VPS53: variants seen among roughly 807,000 people sequenced by gnomAD.
VPS53 encodes the protein VPS53 subunit of GARP complex, also known as vacuolar protein sorting-associated protein 53 homolog.
In VPS53, 70 loss-of-function variants were observed where a neutral mutation model predicts 107.0. The observed-to-expected ratio is 0.65, with a 90% CI of 0.54 to 0.80. The LOEUF is 0.80. Ranked by LOEUF, VPS53 falls within the 30% of genes least tolerant of loss-of-function variation. The probability of loss-of-function intolerance (pLI) is 0.00; values close to 1 mark genes in which losing one functional copy is unlikely to be tolerated. For missense variants in VPS53, 917 were observed against 1,049.4 expected, an observed-to-expected ratio of 0.87 and a Z score of 1.74; for synonymous variants, 409 against 393.3, an observed-to-expected ratio of 1.04 and a Z score of -0.47.
intron 3 of VPS53, 124 bp downstream of exon 3, chr17:699,207 T>C (rs1277969862): frequency 3.2e-6 from 2 of 621,500 alleles, no homozygotes; most frequent in Admixed American, 3.7e-5. Flanking sequence ...AAAGGAATTA[T>C]ATTACCATCT....
chr17:547,710 T>C (rs990477794), intron 17 of VPS53, among the ~76,000 whole-genome samples: 7 of 152,150 alleles, frequency 4.6e-5, no homozygotes, highest in Non-Finnish European at 1.0e-4. Context: ...CAATCTTGGC[T>C]CACTACAACC....
chr17:676,679 G>A (rs1189465184), intron 4 of VPS53, among the ~76,000 whole-genome samples: 1 of 152,150 alleles, frequency 6.6e-6, no homozygotes, highest in African/African-American at 2.4e-5. Context: ...TATGGAGATG[G>A]CTCAGAAGAA....
chr17:550,439 A>G (rs1266141593), intron 17 of VPS53, among the ~76,000 whole-genome samples: 2 of 152,224 alleles, frequency 1.3e-5, no homozygotes, highest in Non-Finnish European at 2.9e-5. Context: ...CTCTGTTGCA[A>G]TGGCTCAATT....
intron 2 of VPS53, among the ~76,000 whole-genome samples, chr17:700,647 AACAAAGGGATC>A (rs1973162670): frequency 6.6e-6 from 1 of 152,228 alleles, no homozygotes; most frequent in South Asian, 2.1e-4. Flanking sequence ...CAACAATTAA[AACAAAGGGATC>A]ACTTCTGACC....
chr17:599,544 T>C (rs1489540949), intron 12 of VPS53, among the ~76,000 whole-genome samples: 4 of 150,666 alleles, frequency 2.7e-5, no homozygotes, highest in Non-Finnish European at 5.9e-5. Context: ...AAACAGATGC[T>C]TGAAGGCAGC....
Position 707,476 on chromosome 17 carries a change from T to C in VPS53, c.168+3057A>G, listed in dbSNP as rs916360530. Among the ~76,000 whole-genome samples the C allele has an allele frequency of 3.5e-5, 5 of 144,306 alleles. No individual in the cohort carries two copies. The East Asian group carries it at 1.0e-3, about 29-fold the overall frequency. 94.7% of individuals were successfully genotyped at this position (144,306 alleles called of 152,430 possible). A position where few individuals can be genotyped will look rare whatever the true frequency, so the allele number is the denominator to read the frequency against. On this transcript the variant is annotated intron_variant, in intron 2 of 21. Transcript: ENST00000437048. ...CAGAGGTTGCAGTGAGCCGAGATCA[T>C]GCCATTGCACTCCAGCCTGGGGGAC...
At chr17:596,861 T>C (rs907287009) in intron 12 of VPS53, among the ~76,000 whole-genome samples, 9 of 152,346 alleles carry the variant, frequency 5.9e-5, no homozygotes, top group Admixed American at 1.3e-4. Context: ...AAGCTGAAGA[T>C]GTTTAAGCTA....
At chr17:598,586 A>G (rs1272649028) in intron 12 of VPS53, among the ~76,000 whole-genome samples, 5 of 141,380 alleles carry the variant, frequency 3.5e-5, no homozygotes, top group South Asian at 4.6e-4. Context: ...CCATTGTCTG[A>G]GATGTGGGGA....
At chr17:702,716 G>C (rs778713214) in intron 2 of VPS53, among the ~76,000 whole-genome samples, 9 of 152,288 alleles carry the variant, frequency 5.9e-5, no homozygotes, top group Non-Finnish European at 1.0e-4. Context: ...TACACTATTT[G>C]ATAGTCAGGT....
intron 7 of VPS53, among the ~76,000 whole-genome samples, chr17:652,367 CTT>C (rs1268389277): frequency 2.0e-5 from 3 of 152,230 alleles, no homozygotes; most frequent in African/African-American, 4.8e-5. Flanking sequence ...AACAATGTGA[CTT>C]TGACATTCCT....
chr17:520,593 G>C lies in VPS53; in HGVS notation c.2224-663C>G, dbSNP rs1226826685. ...CCTTATTCATTTCCGTTTTGTTCTG[G>C]AATGCAGTATCTGATTTTCTTTCCC... On this transcript the variant is annotated intron_variant, in intron 20 of 21. Transcript: ENST00000437048. This position sits in a 1 kb window ranked among gnomAD's most constrained non-coding sequence, Gnocchi z 4.4. 6.6e-6 allele frequency among the ~76,000 whole-genome samples: 1 copy of C among 152,184 alleles called. No individual in the cohort carries two copies. Among genetic ancestry groups the C allele is most frequent in the African/African-American group, 2.4e-5 (1 of 41,428 alleles).
At chr17:664,497 G>A (rs1971597459) in intron 4 of VPS53, among the ~76,000 whole-genome samples, 1 of 152,162 alleles carries the variant, frequency 6.6e-6, no homozygotes, top group Non-Finnish European at 1.5e-5. Flanking sequence ...ATATTGCAGC[G>A]GGAAGTGTCT....
chr17:689,249 CA>C (rs1439556298), intron 4 of VPS53, among the ~76,000 whole-genome samples: 2 of 152,066 alleles, frequency 1.3e-5, no homozygotes, highest in Non-Finnish European at 2.9e-5. Flanking sequence ...ATGACAAATT[CA>C]AAATCCCACA....
At chr17:589,504 T>C (rs575016101) in intron 12 of VPS53, among the ~76,000 whole-genome samples, 2 of 151,064 alleles carry the variant, frequency 1.3e-5, no homozygotes, top group South Asian at 4.2e-4. Context: ...CGGGGGGGAG[T>C]GGGGAGGAAA....
chr17:569,602 C>T (rs987061499), intron 13 of VPS53, among the ~76,000 whole-genome samples: 2 of 152,002 alleles, frequency 1.3e-5, no homozygotes, highest in East Asian at 3.8e-4. Context: ...CTGATAAACG[C>T]AGAAGAAATG....
intron 7 of VPS53, among the ~76,000 whole-genome samples, chr17:635,565 A>G (rs571535761): frequency 6.6e-6 from 1 of 152,240 alleles, no homozygotes; most frequent in East Asian, 1.9e-4. Context: ...TCTTGAATTA[A>G]TTTTTGTATA....
intron 16 of VPS53, 104 bp from the exon 17 acceptor site, chr17:552,054 C>T: frequency 9.0e-7 from 1 of 1,112,706 alleles, no homozygotes; most frequent in Admixed American, 2.4e-5. Flanking sequence ...ATTTCACTGG[C>T]AAAGTTTGAG....
At chr17:630,897 G>A (rs1969930844) in intron 8 of VPS53, among the ~76,000 whole-genome samples, 1 of 152,086 alleles carries the variant, frequency 6.6e-6, no homozygotes, top group African/African-American at 2.4e-5. Context: ...GTTCTTTCCT[G>A]TCCGACACAT....
At chr17:586,390 C>G (rs755459018) in intron 12 of VPS53, 26 bp from the exon 13 acceptor site, 1 of 1,602,354 alleles carries the variant, frequency 6.2e-7, no homozygotes, top group Non-Finnish European at 8.5e-7. Flanking sequence ...AAAATAAACC[C>G]CATACTTGAG....
Sources: allele counts gnomAD v4.1 joint callset (sites outside exome capture counted in the v4.1 genomes callset), GRCh38; gene constraint gnomAD v4.1.1; non-coding constraint Gnocchi (gnomAD v3.1); transcripts MANE v1.5; gene names NCBI Gene and HGNC (gene_info 2026-07-23, HGNC 2026-07-21).